The following DNM3 variants were observed in gnomAD, a reference collection of about 807,000 sequenced individuals.
DNM3 encodes the protein dynamin 3, also known as dynamin-3.
DNM3 carries 47 observed loss-of-function variants against 101.6 expected under a neutral mutation model. That is an observed-to-expected ratio of 0.46 (90% CI 0.37 to 0.59). DNM3 has a LOEUF of 0.59. DNM3 is among the 20% of genes least tolerant of loss of function. DNM3 has a pLI of 0.00. For missense variants in DNM3, 849 were observed against 1,085.7 expected (o/e 0.78, Z 3.06); for synonymous variants, 385 against 387.9 (o/e 0.99, Z 0.09).
intron 4 of DNM3, among the ~76,000 whole-genome samples, chr1:171,998,187 G>A (rs2046127276): frequency 6.6e-6 from 1 of 151,994 alleles, no homozygotes; most frequent in Admixed American, 6.6e-5. Context: ...TTTATTCAGC[G>A]ATAATCATGA....
intron 1 of DNM3, among the ~76,000 whole-genome samples, chr1:171,896,911 T>C (rs1430725274): frequency 9.2e-5 from 14 of 152,164 alleles, no homozygotes. Context: ...GAAATTTTGC[T>C]TTCTAAAGGG....
At chr1:172,075,878 C>T (rs917956703) in intron 11 of DNM3, among the ~76,000 whole-genome samples, 13 of 152,182 alleles carry the variant, frequency 8.5e-5, no homozygotes, top group African/African-American at 3.1e-4. Flanking sequence ...GAGGGGATAG[C>T]ATTGAATCTA....
intron 20 of DNM3, among the ~76,000 whole-genome samples, chr1:172,406,716 T>C (rs1043404615): frequency 2.6e-5 from 4 of 152,054 alleles, no homozygotes; most frequent in African/African-American, 9.7e-5. Flanking sequence ...TTTTTCATAA[T>C]AGTTTTCTTA....
intron 12 of DNM3, among the ~76,000 whole-genome samples, chr1:172,090,180 C>T (rs561707015): frequency 1.3e-5 from 2 of 152,276 alleles, no homozygotes; most frequent in South Asian, 4.2e-4. Context: ...TCAGTGAAAA[C>T]ATTACTCCTA....
intron 17 of DNM3, among the ~76,000 whole-genome samples, chr1:172,341,373 T>C (rs768625998): frequency 4.5e-4 from 69 of 152,186 alleles, no homozygotes; most frequent in Non-Finnish European, 8.5e-4. Flanking sequence ...CTTCACAGAA[T>C]TGGAAAAATC....
rs534639503 is a variant in DNM3 at position 172,189,850 on chromosome 1, G to T, written c.1659+58562G>T. 2.0e-5 allele frequency among the ~76,000 whole-genome samples: 3 copies of T among 151,946 alleles called. No homozygotes were observed. In the South Asian group the frequency reaches 6.2e-4, roughly 32 times the overall value. ...GAGGGAGCAAGAAAGAGAGAAGGGG[G>T]AGGTCCAAGACTCCTTTAAACAACC... On this transcript the variant is annotated intron_variant, in intron 14 of 20. Coordinates refer to ENST00000627582, the MANE Select transcript of DNM3 (RefSeq NM_015569.5).
At chr1:172,414,490 G>A (rs1294348344), downstream of DNM3, among the ~76,000 whole-genome samples, 4 of 152,198 alleles carry the variant, frequency 2.6e-5, no homozygotes, top group African/African-American at 9.7e-5. Flanking sequence ...CAAGAGATGA[G>A]TAATGTCTAC....
intron 9 of DNM3, among the ~76,000 whole-genome samples, chr1:172,047,245 A>C (rs1277223063): frequency 1.3e-5 from 2 of 152,162 alleles, no homozygotes; most frequent in Non-Finnish European, 2.9e-5. Context: ...ACTATGAGCA[A>C]GGGAGGGAGA....
At chr1:172,400,733 T>C (rs2070417204) in intron 20 of DNM3, among the ~76,000 whole-genome samples, 1 of 152,206 alleles carries the variant, frequency 6.6e-6, no homozygotes, top group Non-Finnish European at 1.5e-5. Context: ...TGTTACCTGT[T>C]TCATGACTTT....
chr1:172,374,512 GT>G (rs1055938237), intron 17 of DNM3, among the ~76,000 whole-genome samples: 1 of 151,816 alleles, frequency 6.6e-6, no homozygotes, highest in African/African-American at 2.4e-5. Context: ...GTTGTGTGTG[GT>G]TTTTTTGGTT....
chr1:172,219,831 C>G (rs1240261225), intron 14 of DNM3, among the ~76,000 whole-genome samples: 1 of 151,986 alleles, frequency 6.6e-6, no homozygotes, highest in East Asian at 1.9e-4. Flanking sequence ...TTTTGTTTTT[C>G]CTGAAGGGTG....
At chr1:172,338,336 C>T (rs1025594923) in intron 17 of DNM3, among the ~76,000 whole-genome samples, 2 of 152,140 alleles carry the variant, frequency 1.3e-5, no homozygotes, top group Non-Finnish European at 2.9e-5. Context: ...GACTATTTTC[C>T]TTCCGTTACC....
intron 14 of DNM3, among the ~76,000 whole-genome samples, chr1:172,148,888 T>C (rs1302815264): frequency 6.6e-6 from 1 of 152,170 alleles, no homozygotes; most frequent in Non-Finnish European, 1.5e-5. Context: ...TTTCTTCCCT[T>C]TCCTGAATCA....
At chr1:172,296,619 T>C (rs1046178297) in intron 15 of DNM3, among the ~76,000 whole-genome samples, 2 of 152,232 alleles carry the variant, frequency 1.3e-5, no homozygotes, top group African/African-American at 2.4e-5. Context: ...GACCTTCTTT[T>C]CCACCATCCT....
At chr1:172,294,773 C>CGCGG (rs573444695) in intron 15 of DNM3, among the ~76,000 whole-genome samples, 15,234 of 151,914 alleles carry the variant, frequency 0.1, 1,068 homozygotes, top group African/African-American at 0.2. Context: ...ATTAGCCAGG[C>CGCGG]TGGGACTGCA....
At chr1:172,339,114 C>A (rs746433586) in intron 17 of DNM3, 8 of 459,762 alleles carry the variant, frequency 1.7e-5, no homozygotes, top group Non-Finnish European at 3.0e-5. Context: ...AATATTTGGT[C>A]GTATTTTGAT....
At chr1:171,998,604 G>T (rs949446075) in intron 4 of DNM3, among the ~76,000 whole-genome samples, 1 of 152,040 alleles carries the variant, frequency 6.6e-6, no homozygotes, top group African/African-American at 2.4e-5. Flanking sequence ...AAAATTCTTG[G>T]CCTTCTAGAG....
intron 14 of DNM3, among the ~76,000 whole-genome samples, chr1:172,183,691 C>T (rs1055008658): frequency 1.6e-4 from 25 of 151,846 alleles, no homozygotes; most frequent in Non-Finnish European, 1.8e-4. Context: ...GCCTCCACCT[C>T]CTGGGCCCAA....
intron 15 of DNM3, among the ~76,000 whole-genome samples, chr1:172,270,959 A>G (rs1289198671): frequency 6.6e-6 from 1 of 152,164 alleles, no homozygotes; most frequent in Non-Finnish European, 1.5e-5. Flanking sequence ...TTTATAGGTA[A>G]GAGTATGAGT....
Sources: allele counts gnomAD v4.1 joint callset (sites outside exome capture counted in the v4.1 genomes callset), GRCh38; gene constraint gnomAD v4.1.1; transcripts MANE v1.5; gene names NCBI Gene and HGNC (gene_info 2026-07-23, HGNC 2026-07-21).